TRIM68: variants seen among roughly 807,000 people sequenced by gnomAD.
TRIM68 encodes the protein tripartite motif containing 68, also known as E3 ubiquitin-protein ligase TRIM68.
Under a neutral mutation model 41.9 loss-of-function variants are expected in TRIM68, and 36 were observed. That is an observed-to-expected ratio of 0.86 (90% CI 0.66 to 1.14). The LOEUF (loss-of-function observed/expected upper bound fraction) is 1.14. Among genes scored for constraint, TRIM68 ranks in the 50% most tolerant of loss-of-function variants. TRIM68 has a pLI of 0.00. For missense variants in TRIM68, 632 were observed against 605.1 expected (o/e 1.04, Z -0.47); for synonymous variants, 225 against 224.6 (o/e 1.00, Z -0.02).
chr11:4,598,874 T>C lies in TRIM68; in HGVS notation c.*1402A>G, dbSNP rs936470335. ...CTGCTATAAGATGCAGACTGTATCATGGCACAGTGGGAAAGTCACCATGTG... is the reference window on the plus strand; with the variant it reads ...CTGCTATAAGATGCAGACTGTATCACGGCACAGTGGGAAAGTCACCATGTG... On this transcript the variant is annotated 3_prime_UTR_variant, in exon 7 of 7. Transcript: ENST00000300747. The C allele has an allele frequency of 6.6e-6, 1 of 152,224 alleles. No individual in the cohort carries two copies. Among genetic ancestry groups the C allele is most frequent in the Non-Finnish European group, 1.5e-5 (1 of 68,044 alleles). 9.4% of individuals were successfully genotyped at this position (152,224 alleles called of 1,614,324 possible). A position where few individuals can be genotyped will look rare whatever the true frequency, so the allele number is the denominator to read the frequency against.
At position 4,600,448 on chromosome 11, in the gene TRIM68, T is replaced by A; in HGVS notation, c.1286A>T (p.Tyr429Phe). ...GTAGAAAGAAATGTCATGGGCCTCA[T>A]AATCCACGAAGATTCCCACCCGGCG... ...PPRRVGIFVD[Y>F]EAHDISFYNV... Residue 429 changes from tyrosine (Y) to phenylalanine (F), a missense_variant, in exon 7 of 7, where the codon TAT (tyrosine) becomes TTT (phenylalanine). Coordinates refer to ENST00000300747, the MANE Select transcript of TRIM68 (RefSeq NM_018073.8). The A allele has an allele frequency of 6.2e-7, 1 of 1,613,804 alleles. No homozygotes were observed. The highest frequency in any genetic ancestry group is 8.5e-7 in the Non-Finnish European group (1 of 1,179,886).
chr11:4,608,141 T>G lies in TRIM68; in HGVS notation c.-172A>C, dbSNP rs1282386126. On this transcript the variant is annotated 5_prime_UTR_variant, in exon 1 of 7. Coordinates refer to ENST00000300747, the MANE Select transcript of TRIM68 (RefSeq NM_018073.8). ...GCTGCCGTTCCCGGCAGCTCAGCAC[T>G]TAGGGCCAGAGAGCGGCAGAGGCCC... 6.6e-6 allele frequency: 1 copy of G among 152,468 alleles called. No homozygotes were observed. Among genetic ancestry groups the G allele is most frequent in the Non-Finnish European group, 1.5e-5 (1 of 68,210 alleles). The allele number at this position is 152,468 out of a possible 1,614,324, so 9.4% of individuals were successfully genotyped here.
In TRIM68 at chr11:4,600,451, T is replaced by G. The variant is rs200332840; in HGVS notation, c.1283A>C (p.Asp428Ala). ...GAAAGAAATGTCATGGGCCTCATAA[T>G]CCACGAAGATTCCCACCCGGCGAGG... Reference protein sequence around the residue: ...VPPRRVGIFVDYEAHDISFYN... With the variant: ...VPPRRVGIFVAYEAHDISFYN... Residue 428 changes from aspartate (D) to alanine (A), a missense_variant, in exon 7 of 7, where the codon GAT becomes GCT. Transcript: ENST00000300747. 1.8e-4 allele frequency: 289 copies of G among 1,613,640 alleles called. No homozygotes were observed. Among genetic ancestry groups the G allele is most frequent in the Non-Finnish European group, 2.4e-4 (280 of 1,179,882 alleles).
Position 4,600,808 on chromosome 11 carries a change from G to A in TRIM68, c.926C>T (p.Pro309Leu). ...GATGAGACGGGAGTAAGCAGTATCT[G>A]GATCCAAGCGCACATCAGCTAGAAG... The part of the protein sequence containing the change: ...KTYAADVRLD[P>L]DTAYSRLIVS... The change falls in exon 7 of 7, where the codon CCA becomes CTA. Residue 309 changes from proline (P) to leucine (L), a missense_variant. By Grantham distance (98) the Pro-to-Leu change is moderately conservative. Transcript: ENST00000300747. The A allele has an allele frequency of 8.7e-6, 14 of 1,613,298 alleles. No homozygotes were observed. The highest frequency in any genetic ancestry group is 1.3e-5 in the African/African-American group (1 of 75,028).
Position 4,601,147 on chromosome 11 carries a change from C to A in TRIM68, c.807-20G>T. 1 of 1,602,676 alleles carries A rather than the reference C, an allele frequency of 6.2e-7. No individual in the cohort carries two copies. Among genetic ancestry groups the A allele is most frequent in the Non-Finnish European group, 8.5e-7 (1 of 1,169,626 alleles). ...TTGCTCCTGGTAGAGGAGGGTGAAC[C>A]TCAGGGCCAGGAGTCCCGGCTTTGT... On this transcript the variant is annotated intron_variant, in intron 5 of 6. Coordinates refer to ENST00000300747, the MANE Select transcript of TRIM68 (RefSeq NM_018073.8).
rs775999127 is a variant in TRIM68, at chr11:4,601,050, CTT to C, written c.882_883del (p.Glu296AspfsTer8). On this transcript the variant is annotated frameshift_variant, in exon 6 of 7. Coordinates refer to ENST00000300747, the MANE Select transcript of TRIM68 (RefSeq NM_018073.8). LOFTEE classifies it low-confidence loss of function (END_TRUNC). ...ACCTGCATAAGTCTTCAGGATCTCT[CTT>C]AGCCCCAGCACACGGCAATCTGTCT... 5.6e-6 allele frequency: 9 copies of C among 1,614,190 alleles called. No homozygotes were observed. The Admixed American group carries it at 1.2e-4, about 21-fold the overall frequency.
In TRIM68 at chr11:4,600,655, C is replaced by T. The variant is rs759478030; in HGVS notation, c.1079G>A (p.Trp360Ter). 1.4e-5 allele frequency: 22 copies of T among 1,614,062 alleles called. No individual in the cohort carries two copies. Among genetic ancestry groups the T allele is most frequent in the Non-Finnish European group, 1.9e-5 (22 of 1,180,040 alleles). The change falls in exon 7 of 7, where the codon TGG (tryptophan) becomes TAG (stop). Residue 360 changes from tryptophan to a stop codon, truncating the protein, a stop_gained. Coordinates refer to ENST00000300747, the MANE Select transcript of TRIM68 (RefSeq NM_018073.8). LOFTEE classifies it low-confidence loss of function (END_TRUNC). ...SQCISSGRHY[W>*]EVEVGDRSEW... is the part of the protein sequence containing the mutation. ...AGACCTGTCTCCCACCTCCACCTCC[C>T]AGTAGTGCCGGCCTGAGGAGATGCA...
intron 3 of TRIM68, 110 bp downstream of exon 3, chr11:4,603,135 G>A: frequency 9.5e-7 from 1 of 1,054,612 alleles, no homozygotes; most frequent in Non-Finnish European, 1.5e-6. Context: ...TAGGCTCTGT[G>A]ATTTCAAGCC....
At chr11:4,601,569 T>A in intron 5 of TRIM68, 95 bp downstream of exon 5, 1 of 1,343,160 alleles carries the variant, frequency 7.4e-7, no homozygotes, top group South Asian at 1.2e-5. Flanking sequence ...CTTTTCTGTG[T>A]GCACCGAGTC....
At chr11:4,601,844 A>G (rs1454388394) in intron 4 of TRIM68, 158 bp from the exon 5 acceptor site, 19 of 930,822 alleles carry the variant, frequency 2.0e-5, no homozygotes, top group Non-Finnish European at 3.2e-5. Context: ...GAAGGATGGA[A>G]GAGCAGGCTG....
Position 4,607,342 on chromosome 11 carries a change from C to A in TRIM68, c.-58+685G>T, listed in dbSNP as rs545669926. ...CAAATACTTGTTGAATACGTGAAAA[C>A]TAAATGTAAATGTTGAGTTCCAACC... On this transcript the variant is annotated intron_variant, in intron 1 of 6. Transcript: ENST00000300747. Among the ~76,000 whole-genome samples, 228 of 152,280 alleles carry A rather than the reference C, an allele frequency of 1.5e-3. 3 individuals are homozygous for A. Among genetic ancestry groups the A allele is most frequent in the African/African-American group, 5.0e-3 (209 of 41,554 alleles).
rs894304540 is a variant in TRIM68 at position 4,600,570 on chromosome 11, G to A, written c.1164C>T (p.Ser388=). The change falls in exon 7 of 7, where the codon TCC becomes TCT. Residue 388 remains serine, a synonymous_variant. Transcript: ENST00000300747. The stretch of plus-strand genomic sequence containing the variant: ...TTATCACCCAGAATCCATAGTGGGG[G>A]GATAAGTAGACCACCTCCTTCCGGT... The part of the protein sequence containing the change: ...NVDRKEVVYL[S]PHYGFWVIRL... The A allele has an allele frequency of 5.6e-6, 9 of 1,614,036 alleles. No individual in the cohort carries two copies. Among genetic ancestry groups the A allele is most frequent in the Non-Finnish European group, 6.8e-6 (8 of 1,180,012 alleles).
In TRIM68 at chr11:4,599,742, G is replaced by A. The variant is rs1192691712; in HGVS notation, c.*534C>T. On this transcript the variant is annotated 3_prime_UTR_variant, in exon 7 of 7. Coordinates refer to ENST00000300747, the MANE Select transcript of TRIM68 (RefSeq NM_018073.8). ...TGCTGCACTGAATTTCTCTTGCCAGGAGGTCAGAAGGTGAGAGTCACATAA... is the reference window on the plus strand; with the variant it reads ...TGCTGCACTGAATTTCTCTTGCCAGAAGGTCAGAAGGTGAGAGTCACATAA... 6.6e-6 allele frequency: 1 copy of A among 152,516 alleles called. No individual in the cohort carries two copies. Among genetic ancestry groups the A allele is most frequent in the African/African-American group, 2.4e-5 (1 of 41,444 alleles). The allele number at this position is 152,516 out of a possible 1,614,324, so 9.4% of individuals were successfully genotyped here.
chr11:4,601,958 T>A, intron 4 of TRIM68, 194 bp downstream of exon 4: 2 of 843,496 alleles, frequency 2.4e-6, no homozygotes, highest in Non-Finnish European at 3.7e-6. Context: ...GCCCCACCTA[T>A]GATGCTACAA....
chr11:4,602,943 CT>C (rs773744032), intron 3 of TRIM68, among the ~76,000 whole-genome samples: 6 of 152,226 alleles, frequency 3.9e-5, no homozygotes, highest in Non-Finnish European at 8.8e-5. Flanking sequence ...AGAAACTCTG[CT>C]TTACAAGCAT....
In TRIM68 at chr11:4,602,380, T is replaced by A. The variant is rs759380105; in HGVS notation, c.555A>T (p.Val185=). The A allele has an allele frequency of 6.2e-7, 1 of 1,613,834 alleles. No homozygotes were observed. Among genetic ancestry groups the A allele is most frequent in the African/African-American group, 1.3e-5 (1 of 74,886 alleles). ...ATCGCTGGTATTTTTCAAACTCCCA[T>A]ACAATACTCTGTTTTCGGGTTTCCA... ...IQVETRKQSI[V]WEFEKYQRLL... Residue 185 remains valine (V), a synonymous_variant, in exon 4 of 7, where the codon GTA becomes GTT. Transcript: ENST00000300747.
chr11:4,601,846 A>G (rs762938058), intron 4 of TRIM68, 160 bp from the exon 5 acceptor site: 5 of 907,532 alleles, frequency 5.5e-6, no homozygotes, highest in Non-Finnish European at 6.9e-6. Context: ...AGGATGGAAG[A>G]GCAGGCTGAG....
chr11:4,605,376 G>C lies in TRIM68; in HGVS notation c.129C>G (p.Leu43=). 1 of 1,614,218 alleles carries C rather than the reference G, an allele frequency of 6.2e-7. No homozygotes were observed. The highest frequency in any genetic ancestry group is 8.5e-7 in the Non-Finnish European group (1 of 1,180,044). Residue 43 remains leucine, a synonymous_variant, in exon 2 of 7, where the codon CTC becomes CTG. Transcript: ENST00000300747. ...HSFCHSCLSG[L]WEIPGESQNW... is the part of the protein sequence containing the mutation. The stretch of plus-strand genomic sequence containing the variant: ...TCTGGGATTCTCCTGGGATCTCCCA[G>C]AGTCCAGAGAGACAGCTGTGGCAGA...
chr11:4,602,521 G>T, intron 3 of TRIM68, 109 bp from the exon 4 acceptor site: 2 of 1,397,934 alleles, frequency 1.4e-6, no homozygotes, highest in Non-Finnish European at 9.7e-7. Flanking sequence ...CACGTGACAG[G>T]CTATGCAGGG....
Sources: allele counts gnomAD v4.1 joint callset (sites outside exome capture counted in the v4.1 genomes callset), GRCh38; gene constraint gnomAD v4.1.1; transcripts MANE v1.5; gene names NCBI Gene and HGNC (gene_info 2026-07-23, HGNC 2026-07-21).